POU2F1: variants seen among roughly 807,000 people sequenced by gnomAD.
POU2F1 encodes POU domain, class 2, transcription factor 1.
POU2F1 carries 16 observed loss-of-function variants against 84.9 expected under a neutral mutation model. The observed-to-expected ratio is 0.19, with a 90% CI of 0.13 to 0.29. The LOEUF is 0.29. Ranked by LOEUF, POU2F1 falls within the 10% of genes least tolerant of loss-of-function variation. The pLI is 1.00. For missense variants in POU2F1, 738 were observed against 942.6 expected (o/e 0.78, Z 2.84); for synonymous variants, 368 against 368.3 (o/e 1.00, Z 0.01).
At chr1:167,252,150 C>T (rs977243663) in intron 1 of POU2F1, among the ~76,000 whole-genome samples, 1 of 152,124 alleles carries the variant, frequency 6.6e-6, no homozygotes, top group African/African-American at 2.4e-5. Context: ...GTGTGAGCCA[C>T]CGCTGCAAGT....
intron 1 of POU2F1, among the ~76,000 whole-genome samples, chr1:167,252,292 ATGAAGGCC>A (rs1274117134): frequency 2.6e-5 from 4 of 152,138 alleles, no homozygotes; most frequent in Non-Finnish European, 4.4e-5. Flanking sequence ...GCTTTTACAA[ATGAAGGCC>A]ATGCTATTTG....
intron 2 of POU2F1, among the ~76,000 whole-genome samples, chr1:167,348,158 A>G (rs1243292540): frequency 1.3e-5 from 2 of 152,220 alleles, no homozygotes; most frequent in Non-Finnish European, 2.9e-5. Flanking sequence ...TACCTAAACT[A>G]TATGATATAG....
At chr1:167,323,169 C>T (rs1462748033) in intron 1 of POU2F1, among the ~76,000 whole-genome samples, 1 of 151,898 alleles carries the variant, frequency 6.6e-6, no homozygotes, top group African/African-American at 2.4e-5. Flanking sequence ...AGTGACTTGG[C>T]AAAACACTTT....
At chr1:167,335,463 A>C (rs1657385210) in intron 2 of POU2F1, among the ~76,000 whole-genome samples, 1 of 152,176 alleles carries the variant, frequency 6.6e-6, no homozygotes. Context: ...GTGAAGGTCT[A>C]GGATCAGAAG....
At chr1:167,313,279 A>G (rs1048708672) in intron 1 of POU2F1, among the ~76,000 whole-genome samples, 4 of 152,222 alleles carry the variant, frequency 2.6e-5, no homozygotes, top group Admixed American at 6.5e-5. Flanking sequence ...GTTTAATGCA[A>G]TTTCTATCAA....
At chr1:167,253,499 C>T (rs1307969955) in intron 1 of POU2F1, among the ~76,000 whole-genome samples, 1 of 151,328 alleles carries the variant, frequency 6.6e-6, no homozygotes. Flanking sequence ...TATCTTGGCT[C>T]ACTGCAACCT....
At chr1:167,378,498 C>T (rs1660483332) in intron 7 of POU2F1, among the ~76,000 whole-genome samples, 1 of 151,532 alleles carries the variant, frequency 6.6e-6, no homozygotes. Flanking sequence ...CCTCTACCTC[C>T]TGTGTTCAAG....
Position 167,370,225 on chromosome 1 carries a change from AC to A in POU2F1, c.282+13del. The A allele has an allele frequency of 6.3e-7, 1 of 1,586,966 alleles. No homozygotes were observed. The highest frequency in any genetic ancestry group is 8.6e-7 in the Non-Finnish European group (1 of 1,162,612). Reference sequence around the variant, plus strand: ...TCTTTAAATGTACAGGTAAGCTGGGACCTGGGATTATGGGTCAATCTTTTAT... The same window carrying A: ...TCTTTAAATGTACAGGTAAGCTGGGACTGGGATTATGGGTCAATCTTTTAT... On this transcript the variant is annotated intron_variant, in intron 4 of 15. Transcript: ENST00000367866.
In POU2F1 at chr1:167,328,454, A is replaced by G. The variant is rs933039839; in HGVS notation, c.62-4016A>G. 5.3e-5 allele frequency among the ~76,000 whole-genome samples: 8 copies of G among 152,306 alleles called. No individual in the cohort carries two copies. The South Asian group carries it at 6.2e-4, about 12-fold the overall frequency. ...CTTGACAGCCTTGTGTTCTGCTTCTACCTTGCTAATTGTTTCCTTGGGATT... is the reference window on the plus strand; with the variant it reads ...CTTGACAGCCTTGTGTTCTGCTTCTGCCTTGCTAATTGTTTCCTTGGGATT... On this transcript the variant is annotated intron_variant, in intron 1 of 15. Coordinates refer to ENST00000367866, the MANE Select transcript of POU2F1 (RefSeq NM_002697.4).
Position 167,352,511 on chromosome 1 carries a change from A to G in POU2F1, c.128-12956A>G, listed in dbSNP as rs145420047. On this transcript the variant is annotated intron_variant, in intron 2 of 15. Coordinates refer to ENST00000367866, the MANE Select transcript of POU2F1 (RefSeq NM_002697.4). ...ATTGGATGGTTTAGTAGAAAGGGCA[A>G]TTGGGAGAGAGTTGAGGCAGGGGTG... Among the ~76,000 whole-genome samples, 285 of 152,312 alleles carry G rather than the reference A, an allele frequency of 1.9e-3. 6 individuals are homozygous for G. Among genetic ancestry groups the G allele is most frequent in the Admixed American group, 0.015 (229 of 15,300 alleles).
At chr1:167,376,281 AT>A in intron 7 of POU2F1, 126 bp downstream of exon 7, 1 of 1,156,148 alleles carries the variant, frequency 8.6e-7, no homozygotes, top group Non-Finnish European at 1.1e-6. Context: ...ATTTTATTTG[AT>A]TATAAACTTT....
intron 9 of POU2F1, among the ~76,000 whole-genome samples, chr1:167,392,366 A>G (rs968234184): frequency 6.6e-6 from 1 of 151,880 alleles, no homozygotes; most frequent in Non-Finnish European, 1.5e-5. Context: ...AAAAAAAAAA[A>G]AAAGAAAGAA....
intron 1 of POU2F1, among the ~76,000 whole-genome samples, chr1:167,310,603 A>T (rs1220367400): frequency 1.3e-5 from 2 of 152,130 alleles, no homozygotes; most frequent in African/African-American, 4.8e-5. Flanking sequence ...ACCAAGCAGA[A>T]ATGTCCATGT....
chr1:167,380,275 G>A (rs1647425406), intron 7 of POU2F1: 1 of 152,198 alleles, frequency 6.6e-6, no homozygotes, highest in African/African-American at 2.4e-5. Context: ...TCTAAGAGTT[G>A]TAGGGAGTCA....
intron 1 of POU2F1, among the ~76,000 whole-genome samples, chr1:167,292,539 T>G (rs1432202317): frequency 6.6e-6 from 1 of 150,472 alleles, no homozygotes; most frequent in Non-Finnish European, 1.5e-5. Flanking sequence ...GATTCACAGC[T>G]GAATTCTACC....
chr1:167,304,852 A>T (rs1035108522), intron 1 of POU2F1, among the ~76,000 whole-genome samples: 2 of 152,204 alleles, frequency 1.3e-5, no homozygotes, highest in Non-Finnish European at 2.9e-5. Context: ...TTTTCATAAG[A>T]CATTTTAAAA....
intron 2 of POU2F1, among the ~76,000 whole-genome samples, chr1:167,332,871 A>G (rs1399478126): frequency 6.6e-6 from 1 of 152,160 alleles, no homozygotes; most frequent in Non-Finnish European, 1.5e-5. Flanking sequence ...TCTTTTTGAG[A>G]CTTAATTTAT....
rs775147185 is a variant in POU2F1 at position 167,412,068 on chromosome 1, C to T, written c.1665C>T (p.Ala555=). The T allele has an allele frequency of 6.2e-7, 1 of 1,614,230 alleles. No homozygotes were observed. Among genetic ancestry groups the T allele is most frequent in the African/African-American group, 1.3e-5 (1 of 75,052 alleles). ...TGAGTCCCTCCCCTTCTGCCTCAGC[C>T]TCCACCTCCGAGGCATCCAGTGCCA... is the stretch of plus-strand genomic sequence containing the variant. ...PSLSPSPSAS[A]STSEASSASE... The change falls in exon 14 of 16, where the codon GCC becomes GCT. Residue 555 remains alanine, a synonymous_variant. Transcript: ENST00000367866.
intron 1 of POU2F1, among the ~76,000 whole-genome samples, chr1:167,263,290 C>T (rs1157057980): frequency 2.0e-5 from 3 of 152,182 alleles, no homozygotes; most frequent in East Asian, 1.9e-4. Context: ...GAGGCCGAGG[C>T]GAGTGGATCA....
Sources: gnomAD v4.1 joint callset for allele counts (sites outside exome capture counted in the v4.1 genomes callset) on GRCh38, gnomAD v4.1.1 for gene constraint, MANE v1.5 for transcripts, NCBI Gene and HGNC (gene_info 2026-07-23, HGNC 2026-07-21) for gene names.